ZC4H2: variants seen among roughly 807,000 people sequenced by gnomAD.
ZC4H2 encodes zinc finger C4H2 domain-containing protein.
For synonymous variants in ZC4H2, 84 were observed against 66.3 expected (o/e 1.27, Z -1.30); for missense variants, 137 against 173.9 (o/e 0.79, Z 1.19).
In ZC4H2 at chrX:64,985,259, T is replaced by C. The variant is rs774592843; in HGVS notation, c.-272+49370A>G. On this transcript the variant is annotated intron_variant, in intron 1 of 4. Transcript: ENST00000337990. ...GAATGGTAGTTCTGTTTTTAGTTCT[T>C]TGAGGTATATCCATACTGTTTTCCA... Among the ~76,000 whole-genome samples, 16 of 112,003 alleles carry C rather than the reference T, an allele frequency of 1.4e-4. No individual in the cohort carries two copies. In the South Asian group the frequency reaches 5.7e-3, roughly 40 times the overall value.
At position 64,920,160 on chromosome X, in the gene ZC4H2, G is replaced by T. The variant is rs1929131763; in HGVS notation, c.319C>A (p.His107Asn). The change falls in exon 3 of 5, where the codon CAT becomes AAT. Residue 107 changes from histidine (H) to asparagine (N), a missense_variant. By Grantham distance (68) the His-to-Asn change is moderately conservative. Transcript: ENST00000374839. ...AGAGTCATGCGCAGGGCATCCACAT[G>T]TTCTTTCAGTGGCTTATACTCATCA... The part of the protein sequence containing the change: ...LHDEYKPLKE[H>N]VDALRMTLGL... 1 of 1,211,617 alleles carries T rather than the reference G, an allele frequency of 8.3e-7. No individual in the cohort carries two copies.
rs992676027 is a variant in ZC4H2, at chrX:64,993,384, T to C, written c.-272+41245A>G. The stretch of plus-strand genomic sequence containing the variant: ...TTTCCTAGTTGCTATGACCTGAGTC[T>C]TTGTGTCCTCCTAAAAAAATTATGT... On this transcript the variant is annotated intron_variant, in intron 1 of 4. Transcript: ENST00000337990. Among the ~76,000 whole-genome samples the C allele has an allele frequency of 7.2e-5, 8 of 111,521 alleles. No individual in the cohort carries two copies. In the East Asian group the frequency reaches 2.3e-3, roughly 31 times the overall value.
At chrX:65,021,209 C>T (rs921477411) in intron 1 of ZC4H2, among the ~76,000 whole-genome samples, 11 of 110,816 alleles carry the variant, frequency 9.9e-5, no homozygotes, top group Non-Finnish European at 1.7e-4. Context: ...CACCCAAAAT[C>T]GACAGAATAT....
At position 64,990,552 on chromosome X, in the gene ZC4H2, T is replaced by C. The variant is rs779814673; in HGVS notation, c.-272+44077A>G. The stretch of plus-strand genomic sequence containing the variant: ...TACATGAGATCTATCTGTATCATTT[T>C]TCTGCAACTGCATGTGAATCTATAA... On this transcript the variant is annotated intron_variant, in intron 1 of 4. Transcript: ENST00000337990. Among the ~76,000 whole-genome samples, 3 of 112,297 alleles carry C rather than the reference T, an allele frequency of 2.7e-5. No homozygotes were observed. The East Asian group carries it at 8.4e-4, about 31-fold the overall frequency.
At chrX:64,970,106 C>CTGTGTGTGACATTTGTG (rs1282997971) in intron 1 of ZC4H2, among the ~76,000 whole-genome samples, 2 of 111,931 alleles carry the variant, frequency 1.8e-5, no homozygotes, top group African/African-American at 6.5e-5. Context: ...GTAAATGTCA[C>CTGTGTGTGACATTTGTG]TGAATGAACA....
At chrX:64,934,972 G>GA (rs991728157) in intron 1 of ZC4H2, among the ~76,000 whole-genome samples, 22 of 109,306 alleles carry the variant, frequency 2.0e-4, no homozygotes, top group African/African-American at 7.0e-4. Context: ...GGGCCAGCGA[G>GA]AAAAAAATGT....
At chrX:65,017,585 T>A (rs1167305134) in intron 1 of ZC4H2, among the ~76,000 whole-genome samples, 1 of 112,204 alleles carries the variant, frequency 8.9e-6, no homozygotes, top group African/African-American at 3.2e-5. Context: ...ATTATTTTGC[T>A]GTATCTCAGC....
intron 1 of ZC4H2, among the ~76,000 whole-genome samples, chrX:65,026,129 C>A (rs766721689): frequency 8.9e-6 from 1 of 111,875 alleles, no homozygotes; most frequent in South Asian, 3.7e-4. Flanking sequence ...TCAACCCCAC[C>A]CTTTATTAAA....
chrX:64,922,149 G>T (rs764458461), intron 1 of ZC4H2, 161 bp from the exon 2 acceptor site: 18 of 1,068,448 alleles, frequency 1.7e-5, no homozygotes, highest in Non-Finnish European at 2.2e-5. Flanking sequence ...AATGGCTCAT[G>T]CCAGTAATCT....
rs1452998780 is a variant in ZC4H2, at chrX:65,020,347, A to G, written c.-272+14282T>C. Among the ~76,000 whole-genome samples the G allele has an allele frequency of 2.7e-5, 3 of 111,953 alleles. No homozygotes were observed. In the East Asian group the frequency reaches 8.3e-4, roughly 31 times the overall value. On this transcript the variant is annotated intron_variant, in intron 1 of 4. Transcript: ENST00000337990. The stretch of plus-strand genomic sequence containing the variant: ...GACTACAGCAGATCTCTCAGTGGAA[A>G]CCCTAGAAGCCAGAATAGTGTGGGG...
chrX:64,929,605 C>A (rs369326579), intron 1 of ZC4H2, among the ~76,000 whole-genome samples: 9 of 111,283 alleles, frequency 8.1e-5, no homozygotes, highest in Admixed American at 6.7e-4. Context: ...TTTCCCAGCA[C>A]CATTTATTGA....
chrX:65,032,441 G>T (rs1269121264), intron 1 of ZC4H2, among the ~76,000 whole-genome samples: 3 of 111,674 alleles, frequency 2.7e-5, no homozygotes, highest in African/African-American at 9.8e-5. Flanking sequence ...AACCTGAAAG[G>T]CATGTCTGTT....
chrX:64,996,972 G>A (rs1371086040), intron 1 of ZC4H2, among the ~76,000 whole-genome samples: 1 of 111,859 alleles, frequency 8.9e-6, no homozygotes, highest in Non-Finnish European at 1.9e-5. Flanking sequence ...TTGATGAAAG[G>A]CATGATTCTA....
intron 1 of ZC4H2, among the ~76,000 whole-genome samples, chrX:65,004,068 C>T (rs761241067): frequency 9.0e-6 from 1 of 111,554 alleles, no homozygotes; most frequent in East Asian, 2.8e-4. Context: ...AGACCAATAG[C>T]AAGTTCTGAA....
Position 64,986,111 on chromosome X carries a change from T to A in ZC4H2, c.-272+48518A>T, listed in dbSNP as rs188982864. 6.4e-3 allele frequency among the ~76,000 whole-genome samples: 724 copies of A among 112,440 alleles called. 39 individuals carry two copies. The highest frequency in any genetic ancestry group is 0.064 in the Admixed American group (677 of 10,609). On this transcript the variant is annotated intron_variant, in intron 1 of 4. Transcript: ENST00000337990. ...ATACAGTGATCTGTTGCTTAAAAAA[T>A]ATTTGAAAAACAGTGATTTATTCCA...
chrX:65,010,888 T>C (rs1932749649), intron 1 of ZC4H2, among the ~76,000 whole-genome samples: 1 of 112,179 alleles, frequency 8.9e-6, no homozygotes, highest in African/African-American at 3.2e-5. Flanking sequence ...ATAGTTACTA[T>C]TTTCAAACTG....
At chrX:65,004,445 G>A (rs768124378) in intron 1 of ZC4H2, among the ~76,000 whole-genome samples, 103 of 111,948 alleles carry the variant, frequency 9.2e-4, no homozygotes, top group Non-Finnish European at 1.7e-3. Context: ...ATCAATAAAC[G>A]TAATCCATCA....
intron 1 of ZC4H2, among the ~76,000 whole-genome samples, chrX:64,971,389 G>A (rs1004011084): frequency 3.6e-5 from 4 of 112,159 alleles, no homozygotes; most frequent in East Asian, 2.8e-4. Flanking sequence ...AAATGGAGCA[G>A]TGAACTGGGA....
chrX:64,945,295 T>C, intron 1 of ZC4H2, among the ~76,000 whole-genome samples: 1 of 112,657 alleles, frequency 8.9e-6, no homozygotes, highest in East Asian at 2.8e-4. Flanking sequence ...ATGTTGATGT[T>C]ATTGCTTTGT....
Sources: gnomAD v4.1 joint callset for allele counts (sites outside exome capture counted in the v4.1 genomes callset) on GRCh38, gnomAD v4.1.1 for gene constraint, MANE v1.5 for transcripts, NCBI Gene and HGNC (gene_info 2026-07-23, HGNC 2026-07-21) for gene names.